ZSWIM8: variants seen among roughly 807,000 people sequenced by gnomAD.
ZSWIM8 encodes zinc finger SWIM domain-containing protein 8.
A neutral mutation model predicts 173.7 loss-of-function variants in ZSWIM8; 27 were observed. The observed-to-expected ratio is 0.16, with a 90% CI of 0.11 to 0.21. ZSWIM8 has a LOEUF of 0.21. Among genes scored for constraint, ZSWIM8 ranks in the 10% least tolerant of loss-of-function variants. The probability of loss-of-function intolerance (pLI) is 1.00; values close to 1 mark genes in which losing one functional copy is unlikely to be tolerated. For missense variants in ZSWIM8, 1,627 were observed against 2,428.8 expected (o/e 0.67, Z 6.94); for synonymous variants, 958 against 962.0 (o/e 1.00, Z 0.08).
At position 73,800,711 on chromosome 10, in the gene ZSWIM8, C is replaced by G. The variant is rs367989692; in HGVS notation, c.5074C>G (p.Pro1692Ala). The G allele has an allele frequency of 1.4e-5, 23 of 1,613,818 alleles. No individual in the cohort carries two copies. The highest frequency in any genetic ancestry group is 1.5e-5 in the Non-Finnish European group (18 of 1,179,798). Reference sequence around the variant, plus strand: ...CCCCAACAACTTCTCCCGCTCCCCCCCCTACACTGATGATGTCAAATGGTT... The same window carrying G: ...CCCCAACAACTTCTCCCGCTCCCCCGCCTACACTGATGATGTCAAATGGTT... ...DHPNNFSRSPPYTDDVKWLLG... is the reference protein window; with the variant it reads ...DHPNNFSRSPAYTDDVKWLLG... The change falls in exon 24 of 26, where the codon CCC becomes GCC. Residue 1692 changes from proline (P) to alanine (A), a missense_variant. This residue lies in a region of ZSWIM8 where 30 missense variants were observed against 20.9 expected (regional missense o/e 1.44). Coordinates refer to ENST00000604729, the MANE Select transcript of ZSWIM8 (RefSeq NM_001367799.1). This position sits in a 1 kb window ranked among gnomAD's most constrained non-coding sequence, Gnocchi z 4.1.
At chr10:73,794,930 A>T in intron 14 of ZSWIM8, 1 of 170,826 alleles carries the variant, frequency 5.9e-6, no homozygotes, top group South Asian at 1.2e-4. Flanking sequence ...TCTACTTAAA[A>T]AAAAAAAAAA....
In ZSWIM8 at chr10:73,785,789, C is replaced by T. The variant is rs757984117; in HGVS notation, c.-90C>T. On this transcript the variant is annotated 5_prime_UTR_variant, in exon 1 of 26. Coordinates refer to ENST00000604729, the MANE Select transcript of ZSWIM8 (RefSeq NM_001367799.1). ...GGCCACCCCCAGCCCCGGCTCGCCCCTCAGGCCCCGGGCCTCCCCTCAACC... is the reference window on the plus strand; with the variant it reads ...GGCCACCCCCAGCCCCGGCTCGCCCTTCAGGCCCCGGGCCTCCCCTCAACC... The T allele has an allele frequency of 1.7e-4, 241 of 1,410,166 alleles. No individual in the cohort carries two copies. The highest frequency in any genetic ancestry group is 2.2e-4 in the Non-Finnish European group (227 of 1,048,776). 87.4% of individuals were successfully genotyped at this position (1,410,166 alleles called of 1,614,324 possible).
chr10:73,794,424 A>C (rs1308816154), intron 13 of ZSWIM8, 94 bp downstream of exon 13: 1 of 1,561,584 alleles, frequency 6.4e-7, no homozygotes, highest in Admixed American at 1.7e-5. Flanking sequence ...AATCACCTTT[A>C]GGACCCATCA....
rs780441015 is a variant in ZSWIM8 at position 73,794,505 on chromosome 10, CT to C, written c.2810-34del. 5.1e-6 allele frequency: 8 copies of C among 1,566,586 alleles called. No individual in the cohort carries two copies. In the South Asian group the frequency reaches 9.2e-5, roughly 18 times the overall value. On this transcript the variant is annotated intron_variant, in intron 13 of 25. Coordinates refer to ENST00000604729, the MANE Select transcript of ZSWIM8 (RefSeq NM_001367799.1). ...CCTGTATTTTTTCCCATGCATGATA[CT>C]TCTGTCTGCCTGACTTACCCCAACT...
At position 73,797,101 on chromosome 10, in the gene ZSWIM8, T is replaced by C; in HGVS notation, c.3275-12T>C. On this transcript the variant is annotated splice_polypyrimidine_tract_variant and intron_variant, in intron 16 of 25. Coordinates refer to ENST00000604729, the MANE Select transcript of ZSWIM8 (RefSeq NM_001367799.1). This position sits in a 1 kb window ranked among gnomAD's most constrained non-coding sequence, Gnocchi z 5.6. ...CCTGGGCTCATCCCAGCGTCCTGTT[T>C]TCCTCACCTAGAGAGTTCCCCACAT... 6.2e-7 allele frequency: 1 copy of C among 1,613,454 alleles called. No individual in the cohort carries two copies. Among genetic ancestry groups the C allele is most frequent in the Non-Finnish European group, 8.5e-7 (1 of 1,179,632 alleles).
rs760621341 is a variant in ZSWIM8 at position 73,797,807 on chromosome 10, A to T, written c.3689A>T (p.His1230Leu). 1 of 1,613,282 alleles carries T rather than the reference A, an allele frequency of 6.2e-7. No individual in the cohort carries two copies. The highest frequency in any genetic ancestry group is 2.2e-5 in the East Asian group (1 of 44,858). Residue 1230 changes from histidine (H) to leucine (L), a missense_variant, in exon 19 of 26, where the codon CAT (histidine) becomes CTT (leucine). Coordinates refer to ENST00000604729, the MANE Select transcript of ZSWIM8 (RefSeq NM_001367799.1). This position sits in a 1 kb window ranked among gnomAD's most constrained non-coding sequence, Gnocchi z 5.6. ...GRYKGRRPES[H>L]APHVPNQPSE... Reference sequence around the variant, plus strand: ...TACAAGGGCCGCCGCCCCGAGAGTCATGCCCCTCATGTACCCAATCAGCCA... The same window carrying T: ...TACAAGGGCCGCCGCCCCGAGAGTCTTGCCCCTCATGTACCCAATCAGCCA...
chr10:73,789,451 G>T lies in ZSWIM8; in HGVS notation c.542G>T (p.Cys181Phe). Residue 181 changes from cysteine to phenylalanine, a missense_variant, in exon 4 of 26, where the codon TGC becomes TTC. By Grantham distance (205) the Cys-to-Phe change is radical. Transcript: ENST00000604729. The surrounding 1 kb of genome is among the most constrained non-coding windows in gnomAD (Gnocchi z 6.8). Reference sequence around the variant, plus strand: ...AACGTGGCTGTGATGTTTGACCGCTGCCGGGTCACTTCCTGCAGCTGTACC... The same window carrying T: ...AACGTGGCTGTGATGTTTGACCGCTTCCGGGTCACTTCCTGCAGCTGTACC... ...AYNVAVMFDR[C>F]RVTSCSCTCG... 1 of 1,608,614 alleles carries T rather than the reference G, an allele frequency of 6.2e-7. No homozygotes were observed. The highest frequency in any genetic ancestry group is 1.7e-5 in the Admixed American group (1 of 59,442).
chr10:73,789,608 G>A lies in ZSWIM8; in HGVS notation c.630+69G>A, dbSNP rs1314731342. 6.4e-7 allele frequency: 1 copy of A among 1,569,650 alleles called. No homozygotes were observed. Among genetic ancestry groups the A allele is most frequent in the Non-Finnish European group, 8.7e-7 (1 of 1,155,864 alleles). ...CCCCCCCTTCTCTGCTGCATGCCTG[G>A]CTACAATGTGAGCCCCCTCGCCTCG... On this transcript the variant is annotated intron_variant, in intron 4 of 25. Coordinates refer to ENST00000604729, the MANE Select transcript of ZSWIM8 (RefSeq NM_001367799.1). The surrounding 1 kb of genome is among the most constrained non-coding windows in gnomAD (Gnocchi z 6.8).
chr10:73,793,516 C>T (rs1014067764), intron 10 of ZSWIM8, 72 bp from the exon 11 acceptor site: 3 of 1,498,562 alleles, frequency 2.0e-6, no homozygotes, highest in African/African-American at 2.8e-5. Flanking sequence ...ATGTTGGCTG[C>T]ATGAGTGAGC....
chr10:73,786,106 A>T lies in ZSWIM8; in HGVS notation c.208+20A>T, dbSNP rs2083207240. ...TGCGAGGTGAGAGTGAGCTGGGGGG[A>T]AGAGGAGCGGCAGGCCCTGCTTGGG... On this transcript the variant is annotated intron_variant, in intron 1 of 25. Coordinates refer to ENST00000604729, the MANE Select transcript of ZSWIM8 (RefSeq NM_001367799.1). 5 of 1,530,692 alleles carry T rather than the reference A, an allele frequency of 3.3e-6. No homozygotes were observed. The South Asian group carries it at 6.1e-5, about 19-fold the overall frequency. The allele number at this position is 1,530,692 out of a possible 1,614,324, so 94.8% of individuals were successfully genotyped here.
Position 73,797,089 on chromosome 10 carries a change from C to G in ZSWIM8, c.3275-24C>G. 2 of 1,613,266 alleles carry G rather than the reference C, an allele frequency of 1.2e-6. No individual in the cohort carries two copies. The highest frequency in any genetic ancestry group is 3.3e-5 in the Admixed American group (2 of 59,912). On this transcript the variant is annotated intron_variant, in intron 16 of 25. Transcript: ENST00000604729. The surrounding 1 kb of genome is among the most constrained non-coding windows in gnomAD (Gnocchi z 5.6). ...GAGGTCCCCTTTCCTGGGCTCATCCCAGCGTCCTGTTTTCCTCACCTAGAG... is the reference window on the plus strand; with the variant it reads ...GAGGTCCCCTTTCCTGGGCTCATCCGAGCGTCCTGTTTTCCTCACCTAGAG...
At chr10:73,799,981 C>T in intron 21 of ZSWIM8, 30 bp from the exon 22 acceptor site, 1 of 1,604,786 alleles carries the variant, frequency 6.2e-7, no homozygotes, top group Non-Finnish European at 8.5e-7. Context: ...TCAAGTTTGG[C>T]ATCTTCCCCT....
rs115014527 is a variant in ZSWIM8 at position 73,799,988 on chromosome 10, C to T, written c.4666-23C>T. The T allele has an allele frequency of 3.4e-5, 54 of 1,608,290 alleles. 1 individual carries two copies. The African/African-American group carries it at 5.7e-4, about 17-fold the overall frequency. Reference sequence around the variant, plus strand: ...CATCCTAATCAAGTTTGGCATCTTCCCCTTTCTTCTCCCTGCCCCTAGGGT... The same window carrying T: ...CATCCTAATCAAGTTTGGCATCTTCTCCTTTCTTCTCCCTGCCCCTAGGGT... On this transcript the variant is annotated intron_variant, in intron 21 of 25. Transcript: ENST00000604729.
Position 73,797,847 on chromosome 10 carries a change from A to G in ZSWIM8, c.3729A>G (p.Ala1243=). Residue 1243 remains alanine (A), a synonymous_variant, in exon 19 of 26, where the codon GCA becomes GCG. Transcript: ENST00000604729. This position sits in a 1 kb window ranked among gnomAD's most constrained non-coding sequence, Gnocchi z 5.6. The part of the protein sequence containing the change: ...HVPNQPSEAA[A]HFYFELAKTV... ...CCAATCAGCCATCAGAGGCAGCTGC[A>G]CACTTCTACTTCGAGCTGGCGAAGA... The G allele has an allele frequency of 6.2e-7, 1 of 1,613,276 alleles. No individual in the cohort carries two copies. The highest frequency in any genetic ancestry group is 1.1e-5 in the South Asian group (1 of 91,042).
Position 73,799,064 on chromosome 10 carries a change from G to A in ZSWIM8, c.4239G>A (p.Val1413=), listed in dbSNP as rs1338773778. ...AAGAGGCAGCTAAGGGTGGGGGCGT[G>A]TACCCTGAAGTGTTGTTTGAGGTTG... The part of the protein sequence containing the change: ...AVEEAAKGGG[V]YPEVLFEVAH... Residue 1413 remains valine (V), a synonymous_variant, in exon 21 of 26, where the codon GTG becomes GTA. Coordinates refer to ENST00000604729, the MANE Select transcript of ZSWIM8 (RefSeq NM_001367799.1). 1.2e-6 allele frequency: 2 copies of A among 1,613,906 alleles called. No individual in the cohort carries two copies. The highest frequency in any genetic ancestry group is 2.2e-5 in the East Asian group (1 of 44,884).
chr10:73,789,411 C>G lies in ZSWIM8; in HGVS notation c.502C>G (p.Pro168Ala). The G allele has an allele frequency of 6.3e-7, 1 of 1,584,660 alleles. No individual in the cohort carries two copies. The highest frequency in any genetic ancestry group is 1.7e-4 in the Middle Eastern group (1 of 5,950). The change falls in exon 4 of 26, where the codon CCT becomes GCT. Residue 168 changes from proline (P) to alanine (A), a missense_variant. Pro to Ala is a conservative substitution (Grantham distance 27, BLOSUM62 -1). This residue lies in a region of ZSWIM8 where 16 missense variants were observed against 16.7 expected (regional missense o/e 0.96). Transcript: ENST00000604729. This position sits in a 1 kb window ranked among gnomAD's most constrained non-coding sequence, Gnocchi z 6.8. ...ATVVPPQMVP[P>A]KGAYNVAVMF... ...AGTGGTGCCACCTCAGATGGTCCCT[C>G]CTAAAGGGGCCTACAACGTGGCTGT...
Position 73,789,227 on chromosome 10 carries a change from C to A in ZSWIM8, c.457+37C>A. Reference sequence around the variant, plus strand: ...ATCATGCCATGTGGCACATCCTGCTCCTCCCATCCCCTGGCTTATGAAGTA... The same window carrying A: ...ATCATGCCATGTGGCACATCCTGCTACTCCCATCCCCTGGCTTATGAAGTA... On this transcript the variant is annotated intron_variant, in intron 3 of 25. Transcript: ENST00000604729. This position sits in a 1 kb window ranked among gnomAD's most constrained non-coding sequence, Gnocchi z 6.8. 2 of 1,611,494 alleles carry A rather than the reference C, an allele frequency of 1.2e-6. No individual in the cohort carries two copies. The highest frequency in any genetic ancestry group is 1.7e-6 in the Non-Finnish European group (2 of 1,177,746).
chr10:73,796,744 T>G (rs756586220), intron 15 of ZSWIM8, 30 bp from the exon 16 acceptor site: 24 of 1,607,784 alleles, frequency 1.5e-5, no homozygotes, highest in Non-Finnish European at 2.0e-5. Context: ...TGTCACTGCT[T>G]CTCTGGAGGT....
At position 73,789,278 on chromosome 10, in the gene ZSWIM8, A is replaced by T; in HGVS notation, c.457+88A>T. Reference sequence around the variant, plus strand: ...AGAACACACCGCAAGAAGCTGGAGCATGTTGTCTGAATAACTGCAGGGCCA... The same window carrying T: ...AGAACACACCGCAAGAAGCTGGAGCTTGTTGTCTGAATAACTGCAGGGCCA... On this transcript the variant is annotated intron_variant, in intron 3 of 25. Transcript: ENST00000604729. This position sits in a 1 kb window ranked among gnomAD's most constrained non-coding sequence, Gnocchi z 6.8. 1 of 1,598,998 alleles carries T rather than the reference A, an allele frequency of 6.3e-7. No homozygotes were observed. The highest frequency in any genetic ancestry group is 8.5e-7 in the Non-Finnish European group (1 of 1,170,122).
Sources: allele counts gnomAD v4.1 joint callset, GRCh38; gene constraint gnomAD v4.1.1; regional missense constraint gnomAD v4.1.1; non-coding constraint Gnocchi (gnomAD v3.1); transcripts MANE v1.5; gene names NCBI Gene and HGNC (gene_info 2026-07-23, HGNC 2026-07-21).